The following NEGR1 variants were observed in gnomAD, a reference collection of about 807,000 sequenced individuals.
The protein encoded by NEGR1 is IgLON family member 4.
A neutral mutation model predicts 40.9 loss-of-function variants in NEGR1; 10 were observed. The ratio of observed to expected loss-of-function variants is 0.24; its 90% CI spans 0.15 to 0.42. The LOEUF (loss-of-function observed/expected upper bound fraction) is 0.42, where lower values mean the gene tolerates loss of function less well. NEGR1 is among the 10% of genes least tolerant of loss of function. NEGR1 has a pLI of 1.00. For synonymous variants in NEGR1, 185 were observed against 166.8 expected (o/e 1.11, Z -0.84); for missense variants, 352 against 438.9 (o/e 0.80, Z 1.77).
chr1:71,670,907 T>TAC (rs144683930), intron 4 of NEGR1, among the ~76,000 whole-genome samples: 5,441 of 150,724 alleles, frequency 0.036, 282 homozygotes, highest in African/African-American at 0.11. Context: ...CACACACACA[T>TAC]ACACACACAC....
intron 6 of NEGR1, among the ~76,000 whole-genome samples, chr1:71,480,467 ATTTG>A (rs1469500350): frequency 1.3e-5 from 2 of 151,492 alleles, no homozygotes; most frequent in East Asian, 1.9e-4. Context: ...ATTCTCTATG[ATTTG>A]TTTATTAATT....
intron 6 of NEGR1, among the ~76,000 whole-genome samples, chr1:71,521,467 C>G (rs1647156887): frequency 6.6e-6 from 1 of 151,846 alleles, no homozygotes; most frequent in Non-Finnish European, 1.5e-5. Flanking sequence ...TGCCTGAAGC[C>G]CTAAACATAA....
intron 4 of NEGR1, among the ~76,000 whole-genome samples, chr1:71,650,018 T>A (rs1651659725): frequency 6.6e-6 from 1 of 152,148 alleles, no homozygotes; most frequent in Non-Finnish European, 1.5e-5. Flanking sequence ...CCATATGGAA[T>A]ATAAAACAAA....
intron 1 of NEGR1, among the ~76,000 whole-genome samples, chr1:72,127,585 T>C (rs1168150153): frequency 6.7e-6 from 1 of 150,010 alleles, no homozygotes; most frequent in African/African-American, 2.4e-5. Flanking sequence ...TAAAAGCATC[T>C]AAAGGTGGTA....
chr1:71,551,972 G>A lies in NEGR1; in HGVS notation c.940+40845C>T, dbSNP rs113368677. On this transcript the variant is annotated intron_variant, in intron 6 of 6. Transcript: ENST00000357731. The stretch of plus-strand genomic sequence containing the variant: ...TTTCTTCTTCTTCTTTTTAGAATAC[G>A]CTATATATTGACAAAGACTCTTTCC... Among the ~76,000 whole-genome samples, 514 of 151,090 alleles carry A rather than the reference G, an allele frequency of 3.4e-3. 3 individuals are homozygous for A. Among genetic ancestry groups the A allele is most frequent in the African/African-American group, 0.012 (492 of 41,252 alleles).
chr1:71,494,824 T>G (rs149609948), intron 6 of NEGR1, among the ~76,000 whole-genome samples: 2 of 152,120 alleles, frequency 1.3e-5, no homozygotes, highest in African/African-American at 4.8e-5. Context: ...ATCTATATAT[T>G]GACTGTTCAC....
intron 6 of NEGR1, among the ~76,000 whole-genome samples, chr1:71,444,458 A>G (rs1288839135): frequency 2.4e-4 from 37 of 152,144 alleles, no homozygotes; most frequent in Admixed American, 2.4e-3. Flanking sequence ...TAATATTCAG[A>G]TTTCCGTTTC....
At position 71,746,641 on chromosome 1, in the gene NEGR1, T is replaced by C. The variant is rs905511677; in HGVS notation, c.535+29531A>G. Among the ~76,000 whole-genome samples the C allele has an allele frequency of 3.3e-5, 5 of 151,852 alleles. No homozygotes were observed. The East Asian group carries it at 5.8e-4, about 18-fold the overall frequency. On this transcript the variant is annotated intron_variant, in intron 3 of 6. Coordinates refer to ENST00000357731, the MANE Select transcript of NEGR1 (RefSeq NM_173808.3). ...AATCCATTTTCCTCAATGCATCTTC[T>C]TTTTTTTCTGCCACTTCTGTCAAAA...
chr1:71,419,872 A>G (rs1056085219), intron 6 of NEGR1, among the ~76,000 whole-genome samples: 6 of 151,926 alleles, frequency 3.9e-5, no homozygotes, highest in African/African-American at 1.2e-4. Flanking sequence ...ATCAGATATT[A>G]GGGAATTCTG....
In NEGR1 at chr1:71,492,498, C is replaced by T. The variant is rs552742624; in HGVS notation, c.941-84928G>A. On this transcript the variant is annotated intron_variant, in intron 6 of 6. Transcript: ENST00000357731. ...CTTCAAGTGTTTATTAATTCACAAT[C>T]TCAATTTCTCTCATTTCTTCACCTC... 9.4e-3 allele frequency among the ~76,000 whole-genome samples: 1,422 copies of T among 151,820 alleles called. 23 individuals carry two copies. Among genetic ancestry groups the T allele is most frequent in the African/African-American group, 0.032 (1,339 of 41,436 alleles).
chr1:71,636,935 G>A (rs537935327), intron 4 of NEGR1, among the ~76,000 whole-genome samples: 5 of 152,116 alleles, frequency 3.3e-5, no homozygotes, highest in African/African-American at 1.2e-4. Context: ...AAAGACTGGG[G>A]TAAATGTGTG....
chr1:71,670,822 CA>C (rs1652398421), intron 4 of NEGR1, among the ~76,000 whole-genome samples: 1 of 152,074 alleles, frequency 6.6e-6, no homozygotes, highest in Non-Finnish European at 1.5e-5. Context: ...TCAGTATTCT[CA>C]GGCTCCTGCC....
At chr1:71,829,400 G>A (rs1658759244) in intron 2 of NEGR1, among the ~76,000 whole-genome samples, 1 of 151,816 alleles carries the variant, frequency 6.6e-6, no homozygotes, top group Non-Finnish European at 1.5e-5. Flanking sequence ...AACTGATGAG[G>A]CAGACAACCA....
rs1652610515 is a variant in NEGR1, at chr1:71,675,798, T to G, written c.667+22210A>C. ...TTTGTTGTTGTTGTTTGTTTTTTGT[T>G]TTTTGTTTTTTTTTTCCTTAAGAGA... is the stretch of plus-strand genomic sequence containing the variant. On this transcript the variant is annotated intron_variant, in intron 4 of 6. Coordinates refer to ENST00000357731, the MANE Select transcript of NEGR1 (RefSeq NM_173808.3). Among the ~76,000 whole-genome samples the G allele has an allele frequency of 6.2e-4, 3 of 4,874 alleles. No individual in the cohort carries two copies. In the Non-Finnish European group the frequency reaches 0.031, roughly 50 times the overall value. The allele number at this position is 4,874 out of a possible 152,430, so 3.2% of individuals were successfully genotyped here. A position where few individuals can be genotyped will look rare whatever the true frequency, so the allele number is the denominator to read the frequency against.
chr1:71,882,213 A>G lies in NEGR1; in HGVS notation c.409+52866T>C, dbSNP rs143122036. On this transcript the variant is annotated intron_variant, in intron 2 of 6. Transcript: ENST00000357731. Reference sequence around the variant, plus strand: ...TAGAAGGTGCAATTTAAATTTGTTGACTTTTACATTTGCTCCATTCCATTT... The same window carrying G: ...TAGAAGGTGCAATTTAAATTTGTTGGCTTTTACATTTGCTCCATTCCATTT... Among the ~76,000 whole-genome samples, 912 of 152,152 alleles carry G rather than the reference A, an allele frequency of 6.0e-3. 5 individuals carry two copies. The highest frequency in any genetic ancestry group is 0.011 in the Non-Finnish European group (728 of 67,952).
In NEGR1 at chr1:71,578,556, T is replaced by G. The variant is rs538771214; in HGVS notation, c.940+14261A>C. ...GTTATACATCTATATAGAAAAGTTC[T>G]TAATGGATTCACTCAGGGGCAAGAC... On this transcript the variant is annotated intron_variant, in intron 6 of 6. Transcript: ENST00000357731. Among the ~76,000 whole-genome samples the G allele has an allele frequency of 8.5e-4, 130 of 152,242 alleles. 2 individuals carry two copies. The South Asian group carries it at 0.025, about 29-fold the overall frequency.
intron 4 of NEGR1, among the ~76,000 whole-genome samples, chr1:71,650,837 T>C (rs1236369085): frequency 6.6e-6 from 1 of 152,206 alleles, no homozygotes; most frequent in Non-Finnish European, 1.5e-5. Flanking sequence ...TTTTGCTTTG[T>C]AATGACTTTG....
chr1:71,750,687 C>T (rs749989145), intron 3 of NEGR1, among the ~76,000 whole-genome samples: 5 of 152,068 alleles, frequency 3.3e-5, no homozygotes, highest in Non-Finnish European at 7.4e-5. Flanking sequence ...TGGGTCCCTC[C>T]CATAACATGT....
chr1:71,500,736 A>G (rs949973683), intron 6 of NEGR1, among the ~76,000 whole-genome samples: 26 of 152,060 alleles, frequency 1.7e-4, no homozygotes, highest in African/African-American at 6.3e-4. Context: ...GTGAATGCTC[A>G]AGTCCCTTAT....
Sources: allele counts gnomAD v4.1 joint callset (sites outside exome capture counted in the v4.1 genomes callset), GRCh38; gene constraint gnomAD v4.1.1; transcripts MANE v1.5; gene names NCBI Gene and HGNC (gene_info 2026-07-23, HGNC 2026-07-21).